LTBP1: variants seen among roughly 807,000 people sequenced by gnomAD.
The protein encoded by LTBP1 is latent transforming growth factor beta binding protein 1, also known as latent-transforming growth factor beta-binding protein 1.
Under a neutral mutation model 207.6 loss-of-function variants are expected in LTBP1, and 129 were observed. The observed-to-expected ratio is 0.62, with a 90% CI of 0.54 to 0.72. The LOEUF (loss-of-function observed/expected upper bound fraction) is 0.72, where lower values mean the gene tolerates loss of function less well. LTBP1 is among the 30% of genes least tolerant of loss of function. The pLI is 0.00. For synonymous variants in LTBP1, 963 were observed against 833.7 expected (o/e 1.16, Z -2.67); for missense variants, 2,281 against 2,217.2 (o/e 1.03, Z -0.58).
At chr2:33,325,588 G>A (rs1356113223) in intron 24 of LTBP1, among the ~76,000 whole-genome samples, 3 of 152,134 alleles carry the variant, frequency 2.0e-5, no homozygotes, top group Admixed American at 2.0e-4. Flanking sequence ...CTATCCAGTG[G>A]TTATATATAA....
chr2:33,382,074 CTTTTTTTTTTTTTTT>C (rs70938398), intron 31 of LTBP1, among the ~76,000 whole-genome samples: 30 of 46,784 alleles, frequency 6.4e-4, no homozygotes, highest in African/African-American at 1.7e-3. Context: ...CCTACTGCTT[CTTTTTTTTTTTTTTT>C]TTTTTTTTTT....
At chr2:33,129,520 C>T (rs973564990) in intron 4 of LTBP1, among the ~76,000 whole-genome samples, 2 of 152,178 alleles carry the variant, frequency 1.3e-5, no homozygotes, top group Non-Finnish European at 2.9e-5. Flanking sequence ...ATGATTCTTG[C>T]ATAATATGTT....
intron 7 of LTBP1, among the ~76,000 whole-genome samples, chr2:33,209,555 A>G (rs2090142051): frequency 6.6e-6 from 1 of 152,230 alleles, no homozygotes; most frequent in Admixed American, 6.5e-5. Context: ...ATACAATGAC[A>G]TGCCCTCCAC....
At chr2:33,303,511 G>A (rs540211123) in intron 22 of LTBP1, among the ~76,000 whole-genome samples, 3 of 151,894 alleles carry the variant, frequency 2.0e-5, no homozygotes, top group African/African-American at 4.8e-5. Context: ...CACCATGCCC[G>A]GCTAATTTTT....
intron 5 of LTBP1, among the ~76,000 whole-genome samples, chr2:33,158,383 C>T (rs980078454): frequency 3.3e-5 from 5 of 152,044 alleles, no homozygotes; most frequent in African/African-American, 1.2e-4. Flanking sequence ...CAGGCCCTCC[C>T]ATCCCAGACA....
At chr2:33,310,314 T>G (rs1168676231) in intron 23 of LTBP1, among the ~76,000 whole-genome samples, 1 of 152,176 alleles carries the variant, frequency 6.6e-6, no homozygotes, top group Non-Finnish European at 1.5e-5. Flanking sequence ...GAAGAGGATC[T>G]TATATTTTTT....
chr2:33,287,821 G>T (rs551416177), intron 19 of LTBP1, among the ~76,000 whole-genome samples: 2 of 152,236 alleles, frequency 1.3e-5, no homozygotes, highest in Admixed American at 6.5e-5. Context: ...CAGAGGGGGT[G>T]TGAGATTCTG....
chr2:33,248,777 G>A (rs2092587822), intron 10 of LTBP1, among the ~76,000 whole-genome samples: 1 of 151,968 alleles, frequency 6.6e-6, no homozygotes, highest in African/African-American at 2.4e-5. Flanking sequence ...AGTAGAGATG[G>A]GGTTTCACCA....
At chr2:33,218,215 C>T (rs1257538968) in intron 8 of LTBP1, among the ~76,000 whole-genome samples, 3 of 152,118 alleles carry the variant, frequency 2.0e-5, no homozygotes, top group Admixed American at 6.5e-5. Context: ...TTTATGCTGT[C>T]ACAGACCTCA....
chr2:33,068,681 A>G (rs1267655672), intron 3 of LTBP1, among the ~76,000 whole-genome samples: 3 of 152,214 alleles, frequency 2.0e-5, no homozygotes, highest in Non-Finnish European at 4.4e-5. Context: ...ATGATAAGGA[A>G]TACTAACTTT....
intron 3 of LTBP1, among the ~76,000 whole-genome samples, chr2:33,071,873 A>G (rs1461232490): frequency 6.6e-6 from 1 of 152,200 alleles, no homozygotes; most frequent in East Asian, 1.9e-4. Context: ...ATACTCTCAC[A>G]AAGCAAATCT....
At chr2:33,254,861 T>TTG (rs1349819454) in intron 11 of LTBP1, among the ~76,000 whole-genome samples, 3 of 103,188 alleles carry the variant, frequency 2.9e-5, no homozygotes, top group Non-Finnish European at 5.8e-5. Flanking sequence ...GGTTTTTTTT[T>TTG]TTTTTTTTTT....
At chr2:33,234,415 C>CTA (rs2091939581) in intron 9 of LTBP1, among the ~76,000 whole-genome samples, 1 of 152,030 alleles carries the variant, frequency 6.6e-6, no homozygotes, top group South Asian at 2.1e-4. Context: ...ACGAGCATTC[C>CTA]TATACACCAA....
At position 33,079,735 on chromosome 2, in the gene LTBP1, C is replaced by A. The variant is rs1311910371; in HGVS notation, c.864-30847C>A. ...ACAAGGCTGTCCTGGACTGATGGAG[C>A]CACCTGGGGCCATCAGCCTCCCACC... On this transcript the variant is annotated intron_variant, in intron 3 of 33. Transcript: ENST00000404816. Among the ~76,000 whole-genome samples, 5 of 152,158 alleles carry A rather than the reference C, an allele frequency of 3.3e-5. No individual in the cohort carries two copies. The East Asian group carries it at 9.6e-4, about 29-fold the overall frequency.
At chr2:33,266,409 G>T (rs1364643885) in intron 15 of LTBP1, among the ~76,000 whole-genome samples, 1 of 152,208 alleles carries the variant, frequency 6.6e-6, no homozygotes, top group Admixed American at 6.5e-5. Flanking sequence ...AGGTTCCTGG[G>T]TGGAAAGGGG....
chr2:33,330,317 C>G (rs1250898974), intron 24 of LTBP1, among the ~76,000 whole-genome samples: 3 of 151,808 alleles, frequency 2.0e-5, no homozygotes, highest in Admixed American at 2.0e-4. Context: ...ATAAGTAATG[C>G]TAGTTTTATT....
chr2:33,072,341 C>T (rs1004356607), intron 3 of LTBP1, among the ~76,000 whole-genome samples: 3 of 152,174 alleles, frequency 2.0e-5, no homozygotes, highest in Non-Finnish European at 4.4e-5. Flanking sequence ...CAGTCCTCTT[C>T]GGCCTTTTAT....
chr2:33,397,275 C>T lies in LTBP1; in HGVS notation c.4977C>T (p.Thr1659=). The change falls in exon 33 of 34, where the codon ACC becomes ACT. Residue 1659 remains threonine (T), a synonymous_variant. Transcript: ENST00000404816. ...DGYHLDTAKM[T]CVDVNECDEL... is the part of the protein sequence containing the mutation. ...ATCACTTGGATACGGCCAAGATGACCTGTGTCGGTAAGAATGACGTGTGTT... is the reference window on the plus strand; with the variant it reads ...ATCACTTGGATACGGCCAAGATGACTTGTGTCGGTAAGAATGACGTGTGTT... 1.2e-6 allele frequency: 2 copies of T among 1,614,060 alleles called. No homozygotes were observed. Among genetic ancestry groups the T allele is most frequent in the Non-Finnish European group, 8.5e-7 (1 of 1,179,932 alleles).
chr2:33,072,343 G>A (rs74682273), intron 3 of LTBP1, among the ~76,000 whole-genome samples: 5,892 of 152,204 alleles, frequency 0.039, 190 homozygotes, highest in Non-Finnish European at 0.065. Context: ...GTCCTCTTCG[G>A]CCTTTTATGG....
Sources: gnomAD v4.1 joint callset for allele counts (sites outside exome capture counted in the v4.1 genomes callset) on GRCh38, gnomAD v4.1.1 for gene constraint, MANE v1.5 for transcripts, NCBI Gene and HGNC (gene_info 2026-07-23, HGNC 2026-07-21) for gene names.